The following PPM1D variants were observed in gnomAD, a reference collection of about 807,000 sequenced individuals.
The protein encoded by PPM1D is protein phosphatase 1D.
Under a neutral mutation model 58.3 loss-of-function variants are expected in PPM1D, and 52 were observed. The observed-to-expected ratio is 0.89, with a 90% CI of 0.71 to 1.12. The LOEUF (loss-of-function observed/expected upper bound fraction) is 1.12, where lower values mean the gene tolerates loss of function less well. Ranked by LOEUF, PPM1D falls within the 50% of genes most tolerant of loss-of-function variation. PPM1D has a pLI of 0.00. For synonymous variants in PPM1D, 278 were observed against 285.1 expected, an observed-to-expected ratio of 0.98 and a Z score of 0.25; for missense variants, 564 against 777.2, an observed-to-expected ratio of 0.73 and a Z score of 3.26.
chr17:60,648,163 G>C, intron 4 of PPM1D, 81 bp downstream of exon 4: 1 of 1,444,764 alleles, frequency 6.9e-7, no homozygotes, highest in Non-Finnish European at 9.3e-7. Context: ...TATGAACTAA[G>C]GACATTGACC....
At chr17:60,628,753 T>TA (rs1339748954) in intron 2 of PPM1D, among the ~76,000 whole-genome samples, 2 of 152,008 alleles carry the variant, frequency 1.3e-5, no homozygotes, top group Non-Finnish European at 2.9e-5. Flanking sequence ...AACTCCACTG[T>TA]ATACATGTGG....
At chr17:60,607,559 C>T (rs992876991) in intron 1 of PPM1D, among the ~76,000 whole-genome samples, 1 of 152,160 alleles carries the variant, frequency 6.6e-6, no homozygotes, top group African/African-American at 2.4e-5. Flanking sequence ...CCTCAGGCTC[C>T]CAAAGTGTTG....
At chr17:60,607,690 A>T (rs771045258) in intron 1 of PPM1D, among the ~76,000 whole-genome samples, 25 of 152,226 alleles carry the variant, frequency 1.6e-4, no homozygotes, top group Admixed American at 5.9e-4. Context: ...AGTTTAAAGA[A>T]GATGGTGAAT....
chr17:60,661,940 C>A (rs751675749), intron 5 of PPM1D, among the ~76,000 whole-genome samples: 1 of 152,170 alleles, frequency 6.6e-6, no homozygotes, highest in Non-Finnish European at 1.5e-5. Context: ...CCATCCCCTC[C>A]AGTGGTTACA....
At chr17:60,613,601 G>A (rs1048592121) in intron 1 of PPM1D, among the ~76,000 whole-genome samples, 9 of 152,344 alleles carry the variant, frequency 5.9e-5, no homozygotes, top group African/African-American at 2.2e-4. Context: ...TCAGCTTGTG[G>A]GGAGGTGTGG....
At chr17:60,650,147 A>G (rs554011922) in intron 4 of PPM1D, among the ~76,000 whole-genome samples, 75 of 152,226 alleles carry the variant, frequency 4.9e-4, no homozygotes, top group Non-Finnish European at 9.4e-4. Context: ...GTGAGACGAT[A>G]GAAAACTTCA....
chr17:60,639,120 A>T (rs1598408266), intron 3 of PPM1D, among the ~76,000 whole-genome samples: 2 of 152,156 alleles, frequency 1.3e-5, no homozygotes, highest in South Asian at 2.1e-4. Flanking sequence ...TGAAAAAAAA[A>T]TTATTTTTTT....
At position 60,622,053 on chromosome 17, in the gene PPM1D, G is replaced by A. The variant is rs140017258; in HGVS notation, c.473-1468G>A. On this transcript the variant is annotated intron_variant, in intron 1 of 5. Coordinates refer to ENST00000305921, the MANE Select transcript of PPM1D (RefSeq NM_003620.4). ...AAATACAAAAAAATTAGTTGGGTGT[G>A]GTGGCAGGCGCCTGTAGTCCCAGCT... Among the ~76,000 whole-genome samples the A allele has an allele frequency of 9.7e-3, 1,475 of 151,426 alleles. 23 individuals carry two copies. Among genetic ancestry groups the A allele is most frequent in the African/African-American group, 0.031 (1,285 of 41,340 alleles).
At position 60,664,636 on chromosome 17, in the gene PPM1D, A is replaced by G. The variant is rs1014656022; in HGVS notation, c.*1084A>G. 1 of 152,194 alleles carries G rather than the reference A, an allele frequency of 6.6e-6. No homozygotes were observed. The highest frequency in any genetic ancestry group is 2.4e-5 in the African/African-American group (1 of 41,446). The allele number at this position is 152,194 out of a possible 1,614,324, so 9.4% of individuals were successfully genotyped here. ...TTGAGTGTTCCCAATCTGAAATTCA[A>G]AATGCTCTAATGAGCATTTCCTTTG... On this transcript the variant is annotated 3_prime_UTR_variant, in exon 6 of 6. Transcript: ENST00000305921.
At chr17:60,629,464 G>C (rs1046152725) in intron 2 of PPM1D, among the ~76,000 whole-genome samples, 26 of 152,112 alleles carry the variant, frequency 1.7e-4, no homozygotes, top group Admixed American at 1.3e-4. Flanking sequence ...TCTATTTCCT[G>C]CCCAGTATTC....
intron 3 of PPM1D, among the ~76,000 whole-genome samples, chr17:60,646,486 TTTTAATTTAGGCC>T (rs2031253042): frequency 6.6e-6 from 1 of 152,202 alleles, no homozygotes; most frequent in South Asian, 2.1e-4. Context: ...AATCTTTTGC[TTTTAATTTAGGCC>T]TTTCCCTTAA....
intron 3 of PPM1D, among the ~76,000 whole-genome samples, chr17:60,635,695 G>T (rs1236672058): frequency 6.6e-6 from 1 of 152,124 alleles, no homozygotes; most frequent in Non-Finnish European, 1.5e-5. Flanking sequence ...CCACCCTGCT[G>T]CCCCTAGGCC....
At chr17:60,640,076 T>C (rs997014180) in intron 3 of PPM1D, among the ~76,000 whole-genome samples, 1 of 152,172 alleles carries the variant, frequency 6.6e-6, no homozygotes, top group Non-Finnish European at 1.5e-5. Flanking sequence ...TCTAACACTT[T>C]GGGAGGCCAA....
At chr17:60,600,936 G>C (rs2030195736) in intron 1 of PPM1D, 50 bp downstream of exon 1, 1 of 1,609,516 alleles carries the variant, frequency 6.2e-7, no homozygotes, top group Admixed American at 1.7e-5. Flanking sequence ...GGCAGTTCAG[G>C]GCTTTTATGG....
intron 1 of PPM1D, among the ~76,000 whole-genome samples, chr17:60,606,328 C>T (rs909091744): frequency 3.3e-5 from 5 of 152,238 alleles, no homozygotes; most frequent in Admixed American, 6.5e-5. Flanking sequence ...CACTTTTTGG[C>T]TATTGTGACT....
chr17:60,645,037 G>A (rs1346136091), intron 3 of PPM1D, among the ~76,000 whole-genome samples: 1 of 152,220 alleles, frequency 6.6e-6, no homozygotes, highest in Non-Finnish European at 1.5e-5. Flanking sequence ...TTCTGAAAAT[G>A]TATTGAGGTT....
intron 2 of PPM1D, among the ~76,000 whole-genome samples, chr17:60,628,220 T>C (rs2030849707): frequency 6.6e-6 from 1 of 152,216 alleles, no homozygotes; most frequent in Non-Finnish European, 1.5e-5. Context: ...AGAGTACTTT[T>C]AGATTCACAG....
chr17:60,619,113 G>C (rs2030645964), intron 1 of PPM1D, among the ~76,000 whole-genome samples: 1 of 151,780 alleles, frequency 6.6e-6, no homozygotes, highest in African/African-American at 2.4e-5. Context: ...TAGATTCCAC[G>C]TATAAGTAAG....
chr17:60,654,001 G>T (rs1441839119), intron 4 of PPM1D, among the ~76,000 whole-genome samples: 1 of 152,062 alleles, frequency 6.6e-6, no homozygotes, highest in Non-Finnish European at 1.5e-5. Flanking sequence ...TTCGTTTCCA[G>T]TTTGGTTACC....
Sources: allele counts gnomAD v4.1 joint callset (sites outside exome capture counted in the v4.1 genomes callset), GRCh38; gene constraint gnomAD v4.1.1; transcripts MANE v1.5; gene names NCBI Gene and HGNC (gene_info 2026-07-23, HGNC 2026-07-21).